The following SPTBN2 variants were observed in gnomAD, a reference collection of about 807,000 sequenced individuals.
SPTBN2 encodes the protein spectrin beta, non-erythrocytic 2.
A neutral mutation model predicts 284.2 loss-of-function variants in SPTBN2; 107 were observed. That is an observed-to-expected ratio of 0.38 (90% CI 0.32 to 0.44). The LOEUF is 0.44. SPTBN2 is among the 20% of genes least tolerant of loss of function. SPTBN2 has a pLI of 1.00. For synonymous variants in SPTBN2, 1,289 were observed against 1,354.8 expected (o/e 0.95, Z 1.07); for missense variants, 2,569 against 3,287.1 (o/e 0.78, Z 5.34).
At position 66,689,362 on chromosome 11, in the gene SPTBN2, C is replaced by T. The variant is rs184969344; in HGVS notation, c.5950-182G>A. ...CAATCTCAGCTCACTGCAACCTCCA[C>T]CTCCCAGGTTCAAGCAATTCTCCTG... On this transcript the variant is annotated intron_variant, in intron 29 of 37. Coordinates refer to ENST00000533211, the MANE Select transcript of SPTBN2 (RefSeq NM_006946.4). 696 of 641,416 alleles carry T rather than the reference C, an allele frequency of 1.1e-3. 11 individuals are homozygous for T. In the East Asian group the frequency reaches 0.02, roughly 19 times the overall value. The allele number at this position is 641,416 out of a possible 1,614,324, so 39.7% of individuals were successfully genotyped here. A position where few individuals can be genotyped will look rare whatever the true frequency, so the allele number is the denominator to read the frequency against.
rs749313236 is a variant in SPTBN2, at chr11:66,711,079, C to G, written c.773-50G>C. 2.0e-6 allele frequency: 3 copies of G among 1,477,426 alleles called. No individual in the cohort carries two copies. In the South Asian group the frequency reaches 3.4e-5, roughly 17 times the overall value. 91.5% of individuals were successfully genotyped at this position (1,477,426 alleles called of 1,614,324 possible). A position where few individuals can be genotyped will look rare whatever the true frequency, so the allele number is the denominator to read the frequency against. Reference sequence around the variant, plus strand: ...AGGCCTCCCAGAAGTTCATCCATAACTTGCATCACTTACCCCAAACCCTGG... The same window carrying G: ...AGGCCTCCCAGAAGTTCATCCATAAGTTGCATCACTTACCCCAAACCCTGG... On this transcript the variant is annotated intron_variant, in intron 8 of 37. Coordinates refer to ENST00000533211, the MANE Select transcript of SPTBN2 (RefSeq NM_006946.4).
chr11:66,707,673 A>C lies in SPTBN2; in HGVS notation c.1496T>G (p.Ile499Ser). ...AELAAERYHDIKRIAARQHNV... is the reference protein window; with the variant it reads ...AELAAERYHDSKRIAARQHNV... ...GTGCTGCCGAGCGGCGATGCGCTTG[A>C]TGTCGTGGTAGCGCTCGGCGGCCAG... Residue 499 changes from isoleucine to serine, a missense_variant, in exon 13 of 38, where the codon ATC becomes AGC. By Grantham distance (142) the Ile-to-Ser change is moderately radical (BLOSUM62 -2). Transcript: ENST00000533211. This position sits in a 1 kb window ranked among gnomAD's most constrained non-coding sequence, Gnocchi z 4.9. 1 of 1,606,964 alleles carries C rather than the reference A, an allele frequency of 6.2e-7. No individual in the cohort carries two copies. The highest frequency in any genetic ancestry group is 1.1e-5 in the South Asian group (1 of 91,070).
chr11:66,687,752 C>T lies in SPTBN2; in HGVS notation c.6502-105G>A, dbSNP rs1722007080. 6.3e-7 allele frequency: 1 copy of T among 1,584,640 alleles called. No individual in the cohort carries two copies. On this transcript the variant is annotated intron_variant, in intron 34 of 37. Transcript: ENST00000533211. This position sits in a 1 kb window ranked among gnomAD's most constrained non-coding sequence, Gnocchi z 5.2. The stretch of plus-strand genomic sequence containing the variant: ...AGTTGGTCTTCCTGCCCCCAAGCTG[C>T]CTGTGAGCCTCTGCCCTCTCCCATC...
intron 1 of SPTBN2, among the ~76,000 whole-genome samples, chr11:66,739,064 C>T (rs1942876711): frequency 6.6e-6 from 1 of 152,178 alleles, no homozygotes; most frequent in Non-Finnish European, 1.5e-5. Context: ...ACTTTAGCCT[C>T]CCCAAATGCT....
chr11:66,704,487 A>T, intron 15 of SPTBN2, 111 bp downstream of exon 15: 1 of 1,271,072 alleles, frequency 7.9e-7, no homozygotes, highest in Non-Finnish European at 1.1e-6. Flanking sequence ...GACAACCATT[A>T]AGACTCAAAG....
At position 66,692,661 on chromosome 11, in the gene SPTBN2, G is replaced by C; in HGVS notation, c.5065C>G (p.Arg1689Gly). The C allele has an allele frequency of 5.6e-6, 9 of 1,603,686 alleles. No individual in the cohort carries two copies. The highest frequency in any genetic ancestry group is 6.8e-6 in the Non-Finnish European group (8 of 1,179,874). Reference sequence around the variant, plus strand: ...CACAGCCGGAGGTGCTCCTGCAGGCGCTCCCGCCGCTCTCCAGCCAGCTCC... The same window carrying C: ...CACAGCCGGAGGTGCTCCTGCAGGCCCTCCCGCCGCTCTCCAGCCAGCTCC... ...LKELAGERRE[R>G]LQEHLRLCQL... Residue 1689 changes from arginine (R) to glycine (G), a missense_variant, in exon 26 of 38, where the codon CGC becomes GGC. Around this residue, in one of 6 missense-constraint regions of SPTBN2, gnomAD observed 1,130 missense variants for 1,317.3 expected, o/e 0.86. Transcript: ENST00000533211.
Position 66,715,139 on chromosome 11 carries a change from G to A in SPTBN2, c.483+83C>T. 1 of 1,563,826 alleles carries A rather than the reference G, an allele frequency of 6.4e-7. No individual in the cohort carries two copies. Among genetic ancestry groups the A allele is most frequent in the Non-Finnish European group, 8.8e-7 (1 of 1,137,228 alleles). Reference sequence around the variant, plus strand: ...TTCTAGATCCTCCATCTTTGTGTTTGTTGTGTCATGGGCCAGCAGGAACGG... The same window carrying A: ...TTCTAGATCCTCCATCTTTGTGTTTATTGTGTCATGGGCCAGCAGGAACGG... On this transcript the variant is annotated intron_variant, in intron 5 of 37. Coordinates refer to ENST00000533211, the MANE Select transcript of SPTBN2 (RefSeq NM_006946.4). The surrounding 1 kb of genome is among the most constrained non-coding windows in gnomAD (Gnocchi z 5.3).
chr11:66,708,952 GGTT>G lies in SPTBN2; in HGVS notation c.1138_1140del (p.Asn380del), dbSNP rs750457896. On this transcript the variant is annotated inframe_deletion, in exon 11 of 38. Transcript: ENST00000533211. The surrounding 1 kb of genome is among the most constrained non-coding windows in gnomAD (Gnocchi z 4.4). ...CCCTCGCGGGGCGTGTAGACCTTCT[GGTT>G]GTTGGCCCGAAGCTTGCTCTGGATG... 1.9e-6 allele frequency: 3 copies of G among 1,613,712 alleles called. No homozygotes were observed. Among genetic ancestry groups the G allele is most frequent in the Non-Finnish European group, 1.7e-6 (2 of 1,179,924 alleles).
At chr11:66,733,869 T>A (rs1024497546), upstream of SPTBN2, among the ~76,000 whole-genome samples, 5 of 151,466 alleles carry the variant, frequency 3.3e-5, no homozygotes, top group Non-Finnish European at 7.4e-5. Flanking sequence ...TCCCAGCTAC[T>A]CGGGAGGCTG....
chr11:66,686,641 G>C, intron 36 of SPTBN2: 1 of 676,400 alleles, frequency 1.5e-6, no homozygotes, highest in Non-Finnish European at 2.5e-6. Flanking sequence ...CCCAGAGGCA[G>C]GGGGAGCTCA....
chr11:66,705,572 C>G, intron 14 of SPTBN2, 104 bp from the exon 15 acceptor site: 1 of 1,602,562 alleles, frequency 6.2e-7, no homozygotes, highest in Non-Finnish European at 8.5e-7. Flanking sequence ...GCTCAGTCAC[C>G]ATCGTTTGGC....
At chr11:66,726,338 T>C (rs1942621624) in intron 1 of SPTBN2, among the ~76,000 whole-genome samples, 1 of 152,170 alleles carries the variant, frequency 6.6e-6, no homozygotes, top group Non-Finnish European at 1.5e-5. Context: ...GACTGTTAAA[T>C]CACAGGTCAC....
Position 66,688,242 on chromosome 11 carries a change from G to A in SPTBN2, c.6301C>T (p.Pro2101Ser), listed in dbSNP as rs780592625. The change falls in exon 32 of 38, where the codon CCC (proline) becomes TCC (serine). Residue 2101 changes from proline (P) to serine (S), a missense_variant. Coordinates refer to ENST00000533211, the MANE Select transcript of SPTBN2 (RefSeq NM_006946.4). ...GGAGGCACACTGGCTGTGGGTTCGG[G>A]AGCAGGCGGCTGTTTCCGCCGCTCC... is the stretch of plus-strand genomic sequence containing the variant. Reference protein sequence around the residue: ...EEERRKQPPAPEPTASVPPGD... With the variant: ...EEERRKQPPASEPTASVPPGD... 1.9e-6 allele frequency: 3 copies of A among 1,613,382 alleles called. No homozygotes were observed. The highest frequency in any genetic ancestry group is 2.5e-6 in the Non-Finnish European group (3 of 1,179,934).
At chr11:66,701,449 TCCCCAACA>T in intron 16 of SPTBN2, 127 bp downstream of exon 16, 1 of 1,546,548 alleles carries the variant, frequency 6.5e-7, no homozygotes, top group Admixed American at 1.8e-5. Flanking sequence ...CCTTTTTCCT[TCCCCAACA>T]TATTCCAGAC....
At chr11:66,697,494 C>T (rs1940987132) in intron 20 of SPTBN2, among the ~76,000 whole-genome samples, 1 of 152,188 alleles carries the variant, frequency 6.6e-6, no homozygotes, top group Admixed American at 6.5e-5. Flanking sequence ...GCCCTGCACA[C>T]ATTCTGTGCT....
chr11:66,720,863 G>C (rs1038925415), intron 3 of SPTBN2, among the ~76,000 whole-genome samples: 2 of 152,148 alleles, frequency 1.3e-5, no homozygotes, highest in African/African-American at 4.8e-5. Context: ...CCAGGGGCCA[G>C]TGAAGCGTCT....
At position 66,693,081 on chromosome 11, in the gene SPTBN2, G is replaced by T. The variant is rs1169034422; in HGVS notation, c.4874C>A (p.Ala1625Glu). The change falls in exon 25 of 38, where the codon GCA becomes GAA. Residue 1625 changes from alanine (A) to glutamate (E), a missense_variant. By Grantham distance (107) the Ala-to-Glu change is moderately radical (BLOSUM62 -1). This residue lies in a region of SPTBN2 where 1,130 missense variants were observed against 1,317.3 expected (regional missense o/e 0.86). Coordinates refer to ENST00000533211, the MANE Select transcript of SPTBN2 (RefSeq NM_006946.4). This position sits in a 1 kb window ranked among gnomAD's most constrained non-coding sequence, Gnocchi z 5.7. ...EKAKDELSAQ[A>E]EVKKHQVLEQ... Reference sequence around the variant, plus strand: ...CAGCACCTGGTGCTTCTTCACCTCTGCCTGGGCACTCAGCTCATCCTGGGG... The same window carrying T: ...CAGCACCTGGTGCTTCTTCACCTCTTCCTGGGCACTCAGCTCATCCTGGGG... 1.2e-6 allele frequency: 2 copies of T among 1,614,104 alleles called. No individual in the cohort carries two copies. Among genetic ancestry groups the T allele is most frequent in the Middle Eastern group, 1.6e-4 (1 of 6,062 alleles).
intron 36 of SPTBN2, chr11:66,686,767 C>T (rs1940143342): frequency 3.0e-6 from 2 of 665,324 alleles, no homozygotes; most frequent in African/African-American, 3.6e-5. Context: ...AATTTTTCAC[C>T]TTGACATTGG....
intron 27 of SPTBN2, 153 bp from the exon 28 acceptor site, chr11:66,690,436 G>A: frequency 9.5e-7 from 1 of 1,057,962 alleles, no homozygotes; most frequent in Non-Finnish European, 1.3e-6. Context: ...GAAAGATGAA[G>A]GCAGGGGCTG....
Sources: gnomAD v4.1 joint callset for allele counts (sites outside exome capture counted in the v4.1 genomes callset) on GRCh38, gnomAD v4.1.1 for gene constraint, gnomAD v4.1.1 regional missense constraint, Gnocchi (gnomAD v3.1) non-coding constraint, MANE v1.5 for transcripts, NCBI Gene and HGNC (gene_info 2026-07-23, HGNC 2026-07-21) for gene names.